DLGAP1: variants seen among roughly 807,000 people sequenced by gnomAD.
DLGAP1 encodes the protein DLG associated protein 1, also known as disks large-associated protein 1.
Under a neutral mutation model 90.8 loss-of-function variants are expected in DLGAP1, and 11 were observed. That is an observed-to-expected ratio of 0.12 (90% confidence interval 0.08 to 0.20). DLGAP1 has a LOEUF of 0.20. DLGAP1 is among the 10% of genes least tolerant of loss of function. The probability of loss-of-function intolerance (pLI) is 1.00; values close to 1 mark genes in which losing one functional copy is unlikely to be tolerated. For synonymous variants in DLGAP1, 558 were observed against 540.7 expected, an observed-to-expected ratio of 1.03 and a Z score of -0.44; for missense variants, 1,050 against 1,333.8, an observed-to-expected ratio of 0.79 and a Z score of 3.31.
rs2074588438 is a variant in DLGAP1, at chr18:4,020,285, A to C, written c.-158-15084T>G. The stretch of plus-strand genomic sequence containing the variant: ...TAAATTTTAGAGCGCCTGGCTGAGG[A>C]GGAAGTACATTCAGATGGTTGTGAG... On this transcript the variant is annotated intron_variant, in intron 2 of 12. Coordinates refer to ENST00000315677, the MANE Select transcript of DLGAP1 (RefSeq NM_004746.4). Among the ~76,000 whole-genome samples, 3 of 152,328 alleles carry C rather than the reference A, an allele frequency of 2.0e-5. No homozygotes were observed. In the South Asian group the frequency reaches 6.2e-4, roughly 32 times the overall value.
At chr18:3,866,651 CT>C (rs1285933046) in intron 4 of DLGAP1, among the ~76,000 whole-genome samples, 2 of 152,180 alleles carry the variant, frequency 1.3e-5, no homozygotes, top group Non-Finnish European at 2.9e-5. Flanking sequence ...CAGACACCTG[CT>C]TCTATTGATG....
At chr18:3,580,147 T>A in intron 8 of DLGAP1, 1 of 1,198,920 alleles carries the variant, frequency 8.3e-7, no homozygotes, top group Non-Finnish European at 1.2e-6. Flanking sequence ...CTGCTAATAA[T>A]GTCTACAAAG....
intron 3 of DLGAP1, among the ~76,000 whole-genome samples, chr18:3,964,152 T>G (rs1243143975): frequency 6.6e-6 from 1 of 152,030 alleles, no homozygotes; most frequent in Non-Finnish European, 1.5e-5. Context: ...TTCTCAAATC[T>G]CAGCATAAAA....
chr18:4,086,611 G>C (rs1046135894), intron 2 of DLGAP1, among the ~76,000 whole-genome samples: 6 of 151,800 alleles, frequency 4.0e-5, no homozygotes, highest in African/African-American at 1.5e-4. Context: ...AAATTTTTCT[G>C]TTTTTGTTTT....
At chr18:3,966,161 C>T (rs532303634) in intron 3 of DLGAP1, among the ~76,000 whole-genome samples, 1 of 152,064 alleles carries the variant, frequency 6.6e-6, no homozygotes, top group African/African-American at 2.4e-5. Flanking sequence ...GGGAGCACTA[C>T]AGGGAACAGC....
chr18:4,122,242 G>A (rs776053829), intron 2 of DLGAP1, among the ~76,000 whole-genome samples: 3 of 152,188 alleles, frequency 2.0e-5, no homozygotes, highest in Admixed American at 6.5e-5. Flanking sequence ...AGCAGGAGGG[G>A]TTATAGGAGG....
At chr18:3,967,333 G>A (rs2073351788) in intron 3 of DLGAP1, among the ~76,000 whole-genome samples, 2 of 152,216 alleles carry the variant, frequency 1.3e-5, no homozygotes, top group African/African-American at 4.8e-5. Flanking sequence ...AGCTCACAGT[G>A]ACTTTAACCT....
intron 2 of DLGAP1, among the ~76,000 whole-genome samples, chr18:4,031,424 GC>G (rs1346292939): frequency 1.3e-5 from 2 of 151,968 alleles, no homozygotes; most frequent in Admixed American, 6.6e-5. Context: ...TAAAATAATG[GC>G]CCCCTCATGA....
intron 10 of DLGAP1, among the ~76,000 whole-genome samples, chr18:3,513,803 C>CCCA (rs1376259765): frequency 6.6e-6 from 1 of 152,150 alleles, no homozygotes; most frequent in Non-Finnish European, 1.5e-5. Flanking sequence ...CATTCAAAGA[C>CCCA]CCAGCCATTT....
At chr18:4,284,081 AT>A (rs2079621661) in intron 1 of DLGAP1, among the ~76,000 whole-genome samples, 1 of 151,600 alleles carries the variant, frequency 6.6e-6, no homozygotes, top group Non-Finnish European at 1.5e-5. Context: ...AGGGGGGAGG[AT>A]GGCTTAACCC....
chr18:3,733,737 G>A (rs954061906), intron 6 of DLGAP1, among the ~76,000 whole-genome samples: 1 of 152,062 alleles, frequency 6.6e-6, no homozygotes, highest in African/African-American at 2.4e-5. Context: ...TATTTCCTGC[G>A]TTCATCCATG....
intron 7 of DLGAP1, among the ~76,000 whole-genome samples, chr18:3,683,688 G>A (rs564123367): frequency 5.3e-4 from 81 of 151,970 alleles, no homozygotes; most frequent in Non-Finnish European, 8.1e-4. Context: ...GAGGCATTAA[G>A]CAAATAATTA....
chr18:4,000,999 C>A (rs887085547), intron 3 of DLGAP1, among the ~76,000 whole-genome samples: 1 of 152,036 alleles, frequency 6.6e-6, no homozygotes. Flanking sequence ...TTTGTTCTTT[C>A]ATTACATTGA....
At chr18:3,782,150 T>G (rs930009868) in intron 5 of DLGAP1, among the ~76,000 whole-genome samples, 3 of 152,052 alleles carry the variant, frequency 2.0e-5, no homozygotes, top group African/African-American at 7.2e-5. Context: ...ATTTTTTTTT[T>G]TTTTTGGACA....
At chr18:4,260,497 G>T (rs1309633684) in intron 1 of DLGAP1, among the ~76,000 whole-genome samples, 1 of 152,114 alleles carries the variant, frequency 6.6e-6, no homozygotes, top group African/African-American at 2.4e-5. Flanking sequence ...GCAAAGTTAA[G>T]GTGACTTATG....
intron 5 of DLGAP1, chr18:3,774,107 G>A (rs2064827640): frequency 6.6e-6 from 1 of 152,108 alleles, no homozygotes; most frequent in Non-Finnish European, 1.5e-5. Flanking sequence ...CCAACTTCTG[G>A]GTTTAGGCGG....
intron 7 of DLGAP1, among the ~76,000 whole-genome samples, chr18:3,701,414 G>A (rs745333072): frequency 6.6e-5 from 10 of 152,166 alleles, no homozygotes; most frequent in Non-Finnish European, 1.2e-4. Flanking sequence ...TGAGAATCCT[G>A]GTTGCTGAAG....
In DLGAP1 at chr18:3,703,827, G is replaced by A. The variant is rs1034390315; in HGVS notation, c.1591+25308C>T. Among the ~76,000 whole-genome samples, 5 of 152,090 alleles carry A rather than the reference G, an allele frequency of 3.3e-5. No individual in the cohort carries two copies. In the South Asian group the frequency reaches 8.3e-4, roughly 25 times the overall value. On this transcript the variant is annotated intron_variant, in intron 7 of 12. Transcript: ENST00000315677. ...CCCCTATGAACACACCTCAGCAGCC[G>A]CCAGAGGGAGACTTTCCACACACGG... is the stretch of plus-strand genomic sequence containing the variant.
intron 7 of DLGAP1, among the ~76,000 whole-genome samples, chr18:3,608,903 C>T (rs540154445): frequency 2.0e-5 from 3 of 152,330 alleles, no homozygotes; most frequent in East Asian, 1.9e-4. Flanking sequence ...AGTGCACGAT[C>T]TCAGCTCACT....
Sources: allele counts gnomAD v4.1 joint callset (sites outside exome capture counted in the v4.1 genomes callset), GRCh38; gene constraint gnomAD v4.1.1; transcripts MANE v1.5; gene names NCBI Gene and HGNC (gene_info 2026-07-23, HGNC 2026-07-21).